MMP16: variants seen among roughly 807,000 people sequenced by gnomAD.
MMP16 encodes the protein matrix metallopeptidase 16, also known as matrix metalloproteinase-16.
MMP16 carries 12 observed loss-of-function variants against 67.8 expected under a neutral mutation model. That is an observed-to-expected ratio of 0.18 (90% CI 0.11 to 0.29). The LOEUF is 0.29. MMP16 is among the 10% of genes least tolerant of loss of function. The pLI is 1.00. For synonymous variants in MMP16, 249 were observed against 255.9 expected, an observed-to-expected ratio of 0.97 and a Z score of 0.26; for missense variants, 475 against 765.7, an observed-to-expected ratio of 0.62 and a Z score of 4.48.
At chr8:88,057,105 A>G (rs1808342088) in intron 7 of MMP16, among the ~76,000 whole-genome samples, 1 of 152,104 alleles carries the variant, frequency 6.6e-6, no homozygotes, top group South Asian at 2.1e-4. Context: ...ATGCCCTCCA[A>G]CTAAAAAATT....
chr8:88,160,823 C>A (rs1186707299), intron 4 of MMP16, among the ~76,000 whole-genome samples: 1 of 151,838 alleles, frequency 6.6e-6, no homozygotes, highest in Non-Finnish European at 1.5e-5. Context: ...GCTATAAAGA[C>A]ACATGCACAC....
chr8:88,263,218 AAACAT>A (rs1341671074), intron 1 of MMP16, among the ~76,000 whole-genome samples: 2 of 152,214 alleles, frequency 1.3e-5, no homozygotes, highest in East Asian at 3.9e-4. Flanking sequence ...GCTCAAAAAC[AAACAT>A]AACATAAAGA....
intron 4 of MMP16, among the ~76,000 whole-genome samples, chr8:88,125,161 C>T (rs909799221): frequency 2.0e-5 from 3 of 148,096 alleles, no homozygotes; most frequent in Non-Finnish European, 3.0e-5. Flanking sequence ...TTGCTTCTTA[C>T]TTTTAATTAA....
intron 4 of MMP16, among the ~76,000 whole-genome samples, chr8:88,149,556 G>A (rs1046335708): frequency 6.6e-6 from 1 of 152,128 alleles, no homozygotes; most frequent in African/African-American, 2.4e-5. Context: ...CCTGACCCCT[G>A]ACCCCCGAGC....
intron 6 of MMP16, among the ~76,000 whole-genome samples, chr8:88,075,938 T>TACATACACACAC (rs1554576311): frequency 7.1e-6 from 1 of 140,410 alleles, no homozygotes; most frequent in African/African-American, 2.7e-5. Context: ...CATATATTCA[T>TACATACACACAC]ACACACACAC....
Position 88,149,562 on chromosome 8 carries a change from C to T in MMP16, c.709+18107G>A, listed in dbSNP as rs537360790. Among the ~76,000 whole-genome samples the T allele has an allele frequency of 3.3e-5, 5 of 152,194 alleles. No individual in the cohort carries two copies. In the South Asian group the frequency reaches 6.2e-4, roughly 19 times the overall value. ...AAGTGGGTCCCTGACCCCTGACCCC[C>T]GAGCAGCCTAACTGGGAGGCACCCC... On this transcript the variant is annotated intron_variant, in intron 4 of 9. Coordinates refer to ENST00000286614, the MANE Select transcript of MMP16 (RefSeq NM_005941.5).
At chr8:88,322,591 G>A (rs1811477116) in intron 1 of MMP16, among the ~76,000 whole-genome samples, 1 of 151,984 alleles carries the variant, frequency 6.6e-6, no homozygotes, top group East Asian at 1.9e-4. Flanking sequence ...CACTTTGGGA[G>A]GTCAAGGAGG....
intron 1 of MMP16, among the ~76,000 whole-genome samples, chr8:88,303,040 C>A (rs1372399934): frequency 6.6e-6 from 1 of 152,320 alleles, no homozygotes; most frequent in East Asian, 1.9e-4. Flanking sequence ...GAGCCCACGC[C>A]ACCAGGGCCT....
intron 1 of MMP16, among the ~76,000 whole-genome samples, chr8:88,301,118 T>C (rs1811092294): frequency 6.6e-6 from 1 of 152,198 alleles, no homozygotes; most frequent in Admixed American, 6.5e-5. Flanking sequence ...CCTTTAAACC[T>C]AGCTCAATGA....
intron 1 of MMP16, among the ~76,000 whole-genome samples, chr8:88,273,715 G>A (rs1414403574): frequency 2.0e-5 from 3 of 152,056 alleles, no homozygotes; most frequent in African/African-American, 7.2e-5. Flanking sequence ...AATTGTTGCT[G>A]AGTGCTTATA....
At chr8:88,124,465 T>C (rs1484412681) in intron 4 of MMP16, among the ~76,000 whole-genome samples, 1 of 151,902 alleles carries the variant, frequency 6.6e-6, no homozygotes, top group Non-Finnish European at 1.5e-5. Context: ...AGCCCCCATA[T>C]AGTCCAGGTC....
At chr8:88,138,185 A>T (rs181754160) in intron 4 of MMP16, among the ~76,000 whole-genome samples, 136 of 152,116 alleles carry the variant, frequency 8.9e-4, no homozygotes, top group African/African-American at 3.1e-3. Context: ...GAAGCTGGAT[A>T]ATATTTTCAT....
chr8:88,053,664 T>C (rs1294496386), intron 8 of MMP16, among the ~76,000 whole-genome samples: 1 of 152,172 alleles, frequency 6.6e-6, no homozygotes, highest in Non-Finnish European at 1.5e-5. Context: ...TTGTTTCAGA[T>C]AGAGAGTTTA....
At chr8:88,168,456 CG>C (rs1458059945) in intron 3 of MMP16, among the ~76,000 whole-genome samples, 1 of 152,094 alleles carries the variant, frequency 6.6e-6, no homozygotes, top group East Asian at 1.9e-4. Context: ...TAATTTGTAA[CG>C]AAATGATCAA....
Position 88,034,414 on chromosome 8 carries a change from T to A in MMP16, c.*7047A>T, listed in dbSNP as rs1329576779. On this transcript the variant is annotated 3_prime_UTR_variant, in exon 10 of 10. Coordinates refer to ENST00000286614, the MANE Select transcript of MMP16 (RefSeq NM_005941.5). ...GAGGAGCAGAAAAACCAGGCACACA[T>A]ACCCTTGCTTGGAAATTGTTTGTTT... is the stretch of plus-strand genomic sequence containing the variant. 3.3e-5 allele frequency: 5 copies of A among 152,404 alleles called. No individual in the cohort carries two copies. Among genetic ancestry groups the A allele is most frequent in the African/African-American group, 7.2e-5 (3 of 41,400 alleles). 9.4% of individuals were successfully genotyped at this position (152,404 alleles called of 1,614,324 possible). A position where few individuals can be genotyped will look rare whatever the true frequency, so the allele number is the denominator to read the frequency against.
chr8:88,111,534 G>C (rs1471751560), intron 6 of MMP16, among the ~76,000 whole-genome samples: 2 of 151,704 alleles, frequency 1.3e-5, no homozygotes, highest in Non-Finnish European at 3.0e-5. Flanking sequence ...AAATAAGATA[G>C]AGGAGGTAAG....
chr8:88,074,826 A>ACCAGCTTGATT, intron 6 of MMP16, 83 bp from the exon 7 acceptor site: 2 of 1,478,552 alleles, frequency 1.4e-6, no homozygotes, highest in Non-Finnish European at 1.8e-6. Context: ...CGCTTTTGAA[A>ACCAGCTTGATT]TCAAGCTGGT....
chr8:88,327,401 G>A lies in MMP16; in HGVS notation c.-195C>T. The A allele has an allele frequency of 1.7e-6, 1 of 580,604 alleles. No homozygotes were observed. Among genetic ancestry groups the A allele is most frequent in the Non-Finnish European group, 3.0e-6 (1 of 330,076 alleles). The allele number at this position is 580,604 out of a possible 1,614,324, so 36.0% of individuals were successfully genotyped here. On this transcript the variant is annotated 5_prime_UTR_variant, in exon 1 of 10. Coordinates refer to ENST00000286614, the MANE Select transcript of MMP16 (RefSeq NM_005941.5). Reference sequence around the variant, plus strand: ...CCCCCGAGAGGCAGCGGCGAAGACAGGGTCAGCAGTAGTTCCTGTTCACCA... The same window carrying A: ...CCCCCGAGAGGCAGCGGCGAAGACAAGGTCAGCAGTAGTTCCTGTTCACCA...
chr8:88,286,628 T>G (rs1388651156), intron 1 of MMP16, among the ~76,000 whole-genome samples: 2 of 151,752 alleles, frequency 1.3e-5, no homozygotes, highest in Non-Finnish European at 2.9e-5. Context: ...CAGGCTGGAG[T>G]GCAGTGGCGC....
Sources: gnomAD v4.1 joint callset for allele counts (sites outside exome capture counted in the v4.1 genomes callset) on GRCh38, gnomAD v4.1.1 for gene constraint, MANE v1.5 for transcripts, NCBI Gene and HGNC (gene_info 2026-07-23, HGNC 2026-07-21) for gene names.